SNX8: variants seen among roughly 807,000 people sequenced by gnomAD.
SNX8 encodes sorting nexin-8.
SNX8 carries 25 observed loss-of-function variants against 51.6 expected under a neutral mutation model. That is an observed-to-expected ratio of 0.48 (90% confidence interval 0.35 to 0.68). SNX8 has a LOEUF of 0.68. Among genes scored for constraint, SNX8 ranks in the 30% least tolerant of loss-of-function variants. The pLI, the probability that SNX8 is intolerant of heterozygous loss-of-function variation, is 0.00. For missense variants in SNX8, 695 were observed against 624.0 expected (o/e 1.11, Z -1.21); for synonymous variants, 324 against 277.0 (o/e 1.17, Z -1.68).
upstream of SNX8, among the ~76,000 whole-genome samples, chr7:2,316,588 T>C (rs1282543276): frequency 1.3e-4 from 14 of 109,376 alleles, no homozygotes; most frequent in African/African-American, 2.9e-4. Context: ...CATTCATTCA[T>C]TCACCCACTC....
At chr7:2,312,638 C>G (rs989788882) in intron 1 of SNX8, among the ~76,000 whole-genome samples, 1 of 152,186 alleles carries the variant, frequency 6.6e-6, no homozygotes, top group South Asian at 2.1e-4. Context: ...CCCTGCTCCC[C>G]GCTGCCGTTT....
chr7:2,354,028 C>G (rs372003790), intron 1 of SNX8: 13 of 152,510 alleles, frequency 8.5e-5, no homozygotes, highest in African/African-American at 2.6e-4. Context: ...CGAACCGCTC[C>G]GGTCCCTCCG....
In SNX8 at chr7:2,306,945, G is replaced by C. The variant is rs534615862; in HGVS notation, c.94+7383C>G. On this transcript the variant is annotated intron_variant, in intron 1 of 10. Transcript: ENST00000222990. The stretch of plus-strand genomic sequence containing the variant: ...TCTTGAAAGATATTACCTAACCTGA[G>C]TTTCTCCGGCCCCTACAGTACTTCC... Among the ~76,000 whole-genome samples, 8 of 151,074 alleles carry C rather than the reference G, an allele frequency of 5.3e-5. No homozygotes were observed. In the South Asian group the frequency reaches 8.5e-4, roughly 16 times the overall value.
At chr7:2,287,732 G>A (rs190102006) in intron 1 of SNX8, among the ~76,000 whole-genome samples, 33 of 151,982 alleles carry the variant, frequency 2.2e-4, no homozygotes, top group Admixed American at 4.6e-4. Flanking sequence ...CAGCCTGGGC[G>A]ACAGAGTGAG....
chr7:2,286,668 A>G (rs1281378086), intron 1 of SNX8, among the ~76,000 whole-genome samples: 4 of 150,942 alleles, frequency 2.7e-5, no homozygotes, highest in East Asian at 4.0e-4. Context: ...ACAGGCGCCC[A>G]CCACCACATC....
At chr7:2,353,747 T>C (rs1235639037) in intron 1 of SNX8, among the ~76,000 whole-genome samples, 1 of 151,982 alleles carries the variant, frequency 6.6e-6, no homozygotes, top group Non-Finnish European at 1.5e-5. Context: ...GGGTACCACC[T>C]GTTTTATTTA....
intron 1 of SNX8, among the ~76,000 whole-genome samples, chr7:2,284,658 C>A (rs925157241): frequency 2.0e-5 from 3 of 151,660 alleles, no homozygotes; most frequent in African/African-American, 7.3e-5. Flanking sequence ...CCCACCTCAG[C>A]CTCCCAAAGT....
intron 2 of SNX8, among the ~76,000 whole-genome samples, chr7:2,276,678 C>T (rs568556196): frequency 6.6e-6 from 1 of 151,432 alleles, no homozygotes; most frequent in African/African-American, 2.4e-5. Context: ...GGCATGGTGG[C>T]TCACGCCTGT....
intron 1 of SNX8, among the ~76,000 whole-genome samples, chr7:2,346,554 T>C (rs560422020): frequency 1.4e-3 from 216 of 151,518 alleles, no homozygotes; most frequent in African/African-American, 5.0e-3. Flanking sequence ...GAGACCATCC[T>C]GGCTAACACA....
chr7:2,295,264 TGTG>T (rs1442215679), intron 1 of SNX8, among the ~76,000 whole-genome samples: 1 of 149,120 alleles, frequency 6.7e-6, no homozygotes, highest in East Asian at 2.0e-4. Context: ...ATTAGCCAAG[TGTG>T]GTGGCACGTG....
chr7:2,314,624 C>T (rs1796725533), upstream of SNX8, among the ~76,000 whole-genome samples: 2 of 152,164 alleles, frequency 1.3e-5, no homozygotes, highest in Non-Finnish European at 2.9e-5. Flanking sequence ...CCACATGCCC[C>T]TCCCCGTCCA....
At chr7:2,319,944 C>A (rs1796807959) in intron 1 of SNX8, among the ~76,000 whole-genome samples, 1 of 152,174 alleles carries the variant, frequency 6.6e-6, no homozygotes, top group Non-Finnish European at 1.5e-5. Context: ...CATGCCACTG[C>A]ACTCCAGCCT....
intron 1 of SNX8, among the ~76,000 whole-genome samples, chr7:2,304,452 G>C (rs1205683904): frequency 6.6e-6 from 1 of 151,838 alleles, no homozygotes; most frequent in Non-Finnish European, 1.5e-5. Flanking sequence ...GCTGAGGCAG[G>C]AGAATGGCGT....
At position 2,263,325 on chromosome 7, in the gene SNX8, C is replaced by T; in HGVS notation, c.820G>A (p.Ala274Thr). Reference sequence around the variant, plus strand: ...CCCCACGTGCTGCTATTCAGAGCGGCCCAGGAGGGCAGCGGGGTCGTGTCA... The same window carrying T: ...CCCCACGTGCTGCTATTCAGAGCGGTCCAGGAGGGCAGCGGGGTCGTGTCA... ...GSDTTPLPSW[A>T]ALNSSTWGSL... Residue 274 changes from alanine (A) to threonine (T), a missense_variant, in exon 7 of 11, where the codon GCC becomes ACC. Ala to Thr is a moderately conservative substitution (Grantham distance 58). Transcript: ENST00000222990. The T allele has an allele frequency of 6.2e-7, 1 of 1,612,986 alleles. No individual in the cohort carries two copies. The highest frequency in any genetic ancestry group is 2.2e-5 in the East Asian group (1 of 44,860).
Position 2,253,743 on chromosome 7 carries a change from G to C in SNX8, c.*1313C>G, listed in dbSNP as rs1044161194. ...GGACGATGGATCACCTGCCTGCGGG[G>C]CACACACAGGAGTCCCCTCTCCATC... is the stretch of plus-strand genomic sequence containing the variant. On this transcript the variant is annotated 3_prime_UTR_variant, in exon 11 of 11. Coordinates refer to ENST00000222990, the MANE Select transcript of SNX8 (RefSeq NM_013321.4). 1 of 152,298 alleles carries C rather than the reference G, an allele frequency of 6.6e-6. No individual in the cohort carries two copies. Among genetic ancestry groups the C allele is most frequent in the Non-Finnish European group, 1.5e-5 (1 of 68,138 alleles). 9.4% of individuals were successfully genotyped at this position (152,298 alleles called of 1,614,324 possible).
In SNX8 at chr7:2,303,017, C is replaced by G. The variant is rs1393780193; in HGVS notation, c.94+11311G>C. On this transcript the variant is annotated intron_variant, in intron 1 of 10. Coordinates refer to ENST00000222990, the MANE Select transcript of SNX8 (RefSeq NM_013321.4). ...CCCCGTCCGGGACAGAGGTGGGGGT[C>G]AGCCCCCGCCAGGCCAGCCGCCCCG... Among the ~76,000 whole-genome samples the G allele has an allele frequency of 2.7e-5, 4 of 150,088 alleles. No homozygotes were observed. In the East Asian group the frequency reaches 8.2e-4, roughly 31 times the overall value.
At chr7:2,347,150 C>T (rs891142829) in intron 1 of SNX8, among the ~76,000 whole-genome samples, 9 of 151,952 alleles carry the variant, frequency 5.9e-5, no homozygotes, top group Non-Finnish European at 1.2e-4. Context: ...CATAGCTAGA[C>T]ACCCTCCGCC....
intron 9 of SNX8, 128 bp from the exon 10 acceptor site, chr7:2,257,151 G>T: frequency 7.9e-7 from 1 of 1,265,832 alleles, no homozygotes; most frequent in Non-Finnish European, 1.1e-6. Flanking sequence ...GCATTTGGAA[G>T]GTGGCGAGGT....
In SNX8 at chr7:2,253,028, T is replaced by C. The variant is rs1332595429; in HGVS notation, c.*2028A>G. 5.8e-5 allele frequency: 4 copies of C among 69,438 alleles called. No individual in the cohort carries two copies. Among genetic ancestry groups the C allele is most frequent in the South Asian group, 4.8e-4 (1 of 2,068 alleles). 4.3% of individuals were successfully genotyped at this position (69,438 alleles called of 1,614,324 possible). On this transcript the variant is annotated 3_prime_UTR_variant, in exon 11 of 11. Transcript: ENST00000222990. ...ACCCCTGCCCTCCTGCTCCCCCAAC[T>C]CCTGCCCTCCTGCTCCCTCCTCACC...
Sources: allele counts gnomAD v4.1 joint callset (sites outside exome capture counted in the v4.1 genomes callset), GRCh38; gene constraint gnomAD v4.1.1; transcripts MANE v1.5; gene names NCBI Gene and HGNC (gene_info 2026-07-23, HGNC 2026-07-21).